EVI5L: variants seen among roughly 807,000 people sequenced by gnomAD.
EVI5L encodes the protein ecotropic viral integration site 5 like, also known as EVI5-like protein.
EVI5L carries 30 observed loss-of-function variants against 106.1 expected under a neutral mutation model. The observed-to-expected ratio is 0.28, with a 90% CI of 0.21 to 0.38. The LOEUF (loss-of-function observed/expected upper bound fraction) is 0.38, where lower values mean the gene tolerates loss of function less well. Among genes scored for constraint, EVI5L ranks in the 10% least tolerant of loss-of-function variants. The pLI, the probability that EVI5L is intolerant of heterozygous loss-of-function variation, is 1.00. For synonymous variants in EVI5L, 489 were observed against 483.3 expected, an observed-to-expected ratio of 1.01 and a Z score of -0.15; for missense variants, 809 against 1,098.0, an observed-to-expected ratio of 0.74 and a Z score of 3.72.
chr19:7,843,863 A>G lies in EVI5L; in HGVS notation c.-47-2633A>G, dbSNP rs1276559250. Among the ~76,000 whole-genome samples the G allele has an allele frequency of 2.0e-5, 3 of 152,030 alleles. No homozygotes were observed. In the South Asian group the frequency reaches 6.2e-4, roughly 32 times the overall value. ...CACACGCTTCAGGAGGATGGTTTCCACTGAGAGAGTCTGGGGATGAGTGGA... is the reference window on the plus strand; with the variant it reads ...CACACGCTTCAGGAGGATGGTTTCCGCTGAGAGAGTCTGGGGATGAGTGGA... On this transcript the variant is annotated intron_variant, in intron 1 of 19. Transcript: ENST00000538904.
intron 13 of EVI5L, among the ~76,000 whole-genome samples, chr19:7,860,009 G>C (rs1979723622): frequency 6.6e-6 from 1 of 152,222 alleles, no homozygotes; most frequent in Non-Finnish European, 1.5e-5. Context: ...TCCTTTTTCA[G>C]GTCCAGGTGG....
rs748429757 is a variant in EVI5L at position 7,862,176 on chromosome 19, G to A, written c.1699G>A (p.Gly567Ser). 7.0e-6 allele frequency: 11 copies of A among 1,576,972 alleles called. No homozygotes were observed. The East Asian group carries it at 2.5e-4, about 36-fold the overall frequency. Reference sequence around the variant, plus strand: ...GGAGTCCCCACGGAAGCTGGTCGTGGGCGAGCTGCAGGACGAGCTGATGAG... The same window carrying A: ...GGAGTCCCCACGGAAGCTGGTCGTGAGCGAGCTGCAGGACGAGCTGATGAG... ...WKESPRKLVV[G>S]ELQDELMSVR... Residue 567 changes from glycine (G) to serine (S), a missense_variant, in exon 16 of 20, where the codon GGC becomes AGC. By Grantham distance (56) the Gly-to-Ser change is moderately conservative. This residue lies in a region of EVI5L where 452 missense variants were observed against 509.9 expected (regional missense o/e 0.89). Transcript: ENST00000538904.
At chr19:7,853,589 G>C in intron 10 of EVI5L, 2 of 575,000 alleles carry the variant, frequency 3.5e-6, no homozygotes, top group Non-Finnish European at 6.2e-6. Context: ...GCGTCATGGG[G>C]AAGCAATCAA....
intron 1 of EVI5L, among the ~76,000 whole-genome samples, chr19:7,842,065 G>A (rs1978626605): frequency 6.6e-6 from 1 of 152,120 alleles, no homozygotes; most frequent in African/African-American, 2.4e-5. Context: ...GCAAGAGTGT[G>A]TGTCAATGGG....
rs751313548 is a variant in EVI5L, at chr19:7,858,466, G to A, written c.1374+135G>A. 1.4e-5 allele frequency: 16 copies of A among 1,158,958 alleles called. No individual in the cohort carries two copies. Among genetic ancestry groups the A allele is most frequent in the Non-Finnish European group, 1.9e-5 (16 of 849,028 alleles). 71.8% of individuals were successfully genotyped at this position (1,158,958 alleles called of 1,614,324 possible). A position where few individuals can be genotyped will look rare whatever the true frequency, so the allele number is the denominator to read the frequency against. On this transcript the variant is annotated intron_variant, in intron 13 of 19. Transcript: ENST00000538904. This position sits in a 1 kb window ranked among gnomAD's most constrained non-coding sequence, Gnocchi z 5.7. ...CTCCTGTTCCTTTCTGGGGTAAGGG[G>A]AACCCAGAGACAAGCGCAGATTCTC...
chr19:7,857,290 G>T lies in EVI5L; in HGVS notation c.1233+166G>T, dbSNP rs565546498. ...CTGGGGGACACAGAGGCTTCCCGGG[G>T]GGGCGGGGCATGTGAAGTGGGGAGA... On this transcript the variant is annotated intron_variant, in intron 12 of 19. Coordinates refer to ENST00000538904, the MANE Select transcript of EVI5L (RefSeq NM_001159944.3). The surrounding 1 kb of genome is among the most constrained non-coding windows in gnomAD (Gnocchi z 4.5). The T allele has an allele frequency of 4.9e-4, 442 of 893,530 alleles. No individual in the cohort carries two copies. The highest frequency in any genetic ancestry group is 6.7e-4 in the Non-Finnish European group (379 of 569,004). The allele number at this position is 893,530 out of a possible 1,614,324, so 55.4% of individuals were successfully genotyped here.
At chr19:7,843,253 T>C (rs977765750) in intron 1 of EVI5L, among the ~76,000 whole-genome samples, 1 of 145,422 alleles carries the variant, frequency 6.9e-6, no homozygotes, top group Non-Finnish European at 1.5e-5. Context: ...CATGTGTGTA[T>C]AGGTGTGTGT....
rs1015716927 is a variant in EVI5L, at chr19:7,856,108, G to A, written c.1200+40G>A. 2 of 1,314,736 alleles carry A rather than the reference G, an allele frequency of 1.5e-6. No homozygotes were observed. The highest frequency in any genetic ancestry group is 2.0e-6 in the Non-Finnish European group (2 of 1,021,780). The allele number at this position is 1,314,736 out of a possible 1,614,324, so 81.4% of individuals were successfully genotyped here. A position where few individuals can be genotyped will look rare whatever the true frequency, so the allele number is the denominator to read the frequency against. On this transcript the variant is annotated intron_variant, in intron 11 of 19. Coordinates refer to ENST00000538904, the MANE Select transcript of EVI5L (RefSeq NM_001159944.3). This position sits in a 1 kb window ranked among gnomAD's most constrained non-coding sequence, Gnocchi z 6.6. The stretch of plus-strand genomic sequence containing the variant: ...CACTGTGAGGACATGGTCGCCATGG[G>A]GTGTGACCCACCATGCGGGGCATGG...
At chr19:7,839,299 T>A (rs1218280951) in intron 1 of EVI5L, among the ~76,000 whole-genome samples, 7 of 148,664 alleles carry the variant, frequency 4.7e-5, no homozygotes, top group Non-Finnish European at 6.0e-5. Context: ...CAAGACTCCA[T>A]CCATCTAAAA....
At chr19:7,849,426 A>C in intron 5 of EVI5L, 96 bp downstream of exon 5, 1 of 1,341,494 alleles carries the variant, frequency 7.5e-7, no homozygotes, top group Non-Finnish European at 1.0e-6. Context: ...TCCTCCACCC[A>C]GCGTCTTGCT....
chr19:7,851,839 A>G, intron 8 of EVI5L, 69 bp downstream of exon 8: 2 of 1,380,328 alleles, frequency 1.4e-6, no homozygotes, highest in Non-Finnish European at 1.9e-6. Context: ...GGATGCCCTC[A>G]CAAGTGACAG....
rs762374928 is a variant in EVI5L, at chr19:7,861,890, C to T, written c.1516C>T (p.Leu506=). 2 of 1,550,952 alleles carry T rather than the reference C, an allele frequency of 1.3e-6. No individual in the cohort carries two copies. The highest frequency in any genetic ancestry group is 2.4e-5 in the East Asian group (1 of 41,006). The change falls in exon 15 of 20, where the codon CTG becomes TTG. Residue 506 remains leucine, a synonymous_variant. Coordinates refer to ENST00000538904, the MANE Select transcript of EVI5L (RefSeq NM_001159944.3). ...VLDMEKRNSS[L]PDENNVAQLQ... is the part of the protein sequence containing the mutation. ...ACTCTTCCCGCAGAGGAACAGCTCG[C>T]TGCCCGACGAGAACAATGTGGCGCA...
rs769802645 is a variant in EVI5L, at chr19:7,857,223, G to A, written c.1233+99G>A. 148 of 1,481,298 alleles carry A rather than the reference G, an allele frequency of 1.0e-4. No homozygotes were observed. The highest frequency in any genetic ancestry group is 4.1e-4 in the African/African-American group (29 of 71,586). 91.8% of individuals were successfully genotyped at this position (1,481,298 alleles called of 1,614,324 possible). ...AACCGCCTCTTCCCTGCCATTCTGC[G>A]GGCAGGCCTGGCGCCATGCATGGAG... On this transcript the variant is annotated intron_variant, in intron 12 of 19. Coordinates refer to ENST00000538904, the MANE Select transcript of EVI5L (RefSeq NM_001159944.3). This position sits in a 1 kb window ranked among gnomAD's most constrained non-coding sequence, Gnocchi z 4.5.
At chr19:7,832,196 G>T (rs1267953774) in intron 1 of EVI5L, among the ~76,000 whole-genome samples, 1 of 152,182 alleles carries the variant, frequency 6.6e-6, no homozygotes, top group Admixed American at 6.5e-5. Context: ...AGCGGAGGGT[G>T]GTTTGGAAGG....
At chr19:7,832,663 T>C (rs1170421090) in intron 1 of EVI5L, among the ~76,000 whole-genome samples, 3 of 152,062 alleles carry the variant, frequency 2.0e-5, no homozygotes, top group African/African-American at 7.2e-5. Flanking sequence ...GGGTCTTAGT[T>C]GACACTTCAT....
chr19:7,855,084 TG>T (rs1454934800), intron 10 of EVI5L, among the ~76,000 whole-genome samples: 2 of 151,318 alleles, frequency 1.3e-5, no homozygotes, highest in African/African-American at 4.9e-5. Context: ...CAGAGTGTCC[TG>T]GGGGAACCTA....
At chr19:7,849,364 G>C (rs545820723) in intron 5 of EVI5L, 34 bp downstream of exon 5, 1 of 1,610,248 alleles carries the variant, frequency 6.2e-7, no homozygotes, top group African/African-American at 1.3e-5. Context: ...GCTCCTGCCA[G>C]ACAACAGCCC....
rs1208355442 is a variant in EVI5L, at chr19:7,845,397, A to T, written c.-47-1099A>T. On this transcript the variant is annotated intron_variant, in intron 1 of 19. Coordinates refer to ENST00000538904, the MANE Select transcript of EVI5L (RefSeq NM_001159944.3). The surrounding 1 kb of genome is among the most constrained non-coding windows in gnomAD (Gnocchi z 4.0). ...GCCCCCTGCTAGGGGTCCCCTGGCC[A>T]TCAGTCCCCACACAGGCCACAGCAG... Among the ~76,000 whole-genome samples the T allele has an allele frequency of 1.3e-5, 2 of 152,106 alleles. No homozygotes were observed. Among genetic ancestry groups the T allele is most frequent in the African/African-American group, 4.8e-5 (2 of 41,422 alleles).
intron 1 of EVI5L, among the ~76,000 whole-genome samples, chr19:7,842,713 C>T (rs1311140659): frequency 6.6e-6 from 1 of 150,904 alleles, no homozygotes; most frequent in Non-Finnish European, 1.5e-5. Context: ...TGTGGATGTG[C>T]ACGAGTATGT....
Sources: gnomAD v4.1 joint callset for allele counts (sites outside exome capture counted in the v4.1 genomes callset) on GRCh38, gnomAD v4.1.1 for gene constraint, gnomAD v4.1.1 regional missense constraint, Gnocchi (gnomAD v3.1) non-coding constraint, MANE v1.5 for transcripts, NCBI Gene and HGNC (gene_info 2026-07-23, HGNC 2026-07-21) for gene names.